Variants in GRM7 observed in about 807,000 individuals in gnomAD.
GRM7 encodes the protein metabotropic glutamate receptor 7.
In GRM7, 35 loss-of-function variants were observed where a neutral mutation model predicts 84.5. The observed-to-expected ratio is 0.41, with a 90% CI of 0.32 to 0.55. The LOEUF (loss-of-function observed/expected upper bound fraction) is 0.55, where lower values mean the gene tolerates loss of function less well. GRM7 is among the 20% of genes least tolerant of loss of function. The pLI is 0.19. For synonymous variants in GRM7, 487 were observed against 455.1 expected (o/e 1.07, Z -0.89); for missense variants, 1,003 against 1,194.6 (o/e 0.84, Z 2.36).
Position 7,578,481 on chromosome 3 carries a change from A to T in GRM7, c.1575A>T (p.Leu525=), listed in dbSNP as rs34373930. The T allele has an allele frequency of 2.5e-6, 4 of 1,613,542 alleles. No individual in the cohort carries two copies. The highest frequency in any genetic ancestry group is 2.5e-6 in the Non-Finnish European group (3 of 1,179,640). ...AGATACCCGCCTCAGTGTGCACACT[A>T]CCATGTAAGCCAGGACAGAGAAAGA... The part of the protein sequence containing the change: ...VREIPASVCT[L]PCKPGQRKKT... The change falls in exon 8 of 10, where the codon CTA becomes CTT. Residue 525 remains leucine (L), a synonymous_variant. Coordinates refer to ENST00000357716, the MANE Select transcript of GRM7 (RefSeq NM_000844.4).
intron 2 of GRM7, among the ~76,000 whole-genome samples, chr3:7,285,464 A>T (rs1205215765): frequency 2.0e-5 from 3 of 152,114 alleles, no homozygotes; most frequent in Non-Finnish European, 2.9e-5. Context: ...AATAGGGCCT[A>T]ATACGTAGTA....
chr3:7,578,444 A>C lies in GRM7; in HGVS notation c.1538A>C (p.Lys513Thr). ...CAGATAGAAGACATGCAGTGGGGTA[A>C]AGGAGTCCGAGAGATACCCGCCTCA... is the stretch of plus-strand genomic sequence containing the variant. ...QLNIEDMQWG[K>T]GVREIPASVC... The change falls in exon 8 of 10, where the codon AAA (lysine) becomes ACA (threonine). Residue 513 changes from lysine (K) to threonine (T), a missense_variant. Transcript: ENST00000357716. 1 of 1,611,776 alleles carries C rather than the reference A, an allele frequency of 6.2e-7. No individual in the cohort carries two copies. The highest frequency in any genetic ancestry group is 8.5e-7 in the Non-Finnish European group (1 of 1,178,220).
chr3:7,282,309 C>T (rs1032418174), intron 2 of GRM7, among the ~76,000 whole-genome samples: 3 of 152,100 alleles, frequency 2.0e-5, no homozygotes, highest in Non-Finnish European at 4.4e-5. Context: ...ATCAACATGT[C>T]GGTGGGGTTA....
intron 4 of GRM7, among the ~76,000 whole-genome samples, chr3:7,372,100 T>G (rs1694162898): frequency 6.6e-6 from 1 of 152,012 alleles, no homozygotes; most frequent in South Asian, 2.1e-4. Context: ...TGCTACATTC[T>G]AAGTTATGGA....
chr3:7,056,825 AT>A (rs1236622744), intron 1 of GRM7, among the ~76,000 whole-genome samples: 2 of 152,026 alleles, frequency 1.3e-5, no homozygotes, highest in African/African-American at 4.8e-5. Context: ...GTAGTATAAT[AT>A]TTAGTCACAT....
At chr3:7,474,123 CT>C (rs1376519953) in intron 7 of GRM7, among the ~76,000 whole-genome samples, 1 of 152,168 alleles carries the variant, frequency 6.6e-6, no homozygotes, top group Non-Finnish European at 1.5e-5. Flanking sequence ...TCAAATTTAT[CT>C]GTCTTTTGTA....
intron 7 of GRM7, among the ~76,000 whole-genome samples, chr3:7,497,530 A>G (rs1308488565): frequency 1.3e-5 from 2 of 152,118 alleles, no homozygotes; most frequent in Non-Finnish European, 2.9e-5. Flanking sequence ...TCTCAGATTT[A>G]TGTTTTCTTA....
At chr3:7,458,688 A>C (rs2124903044) in intron 6 of GRM7, among the ~76,000 whole-genome samples, 1 of 152,328 alleles carries the variant, frequency 6.6e-6, no homozygotes, top group African/African-American at 2.4e-5. Context: ...ATGAATATGT[A>C]GCTGGTGCAC....
chr3:7,665,218 C>T lies in GRM7; in HGVS notation c.2452-14831C>T, dbSNP rs562072353. ...ACGGAGTCTCACTCTGTGGCCCAGG[C>T]GGGAGTGCAGTGGCGCAATCTCGGC... On this transcript the variant is annotated intron_variant, in intron 8 of 9. Transcript: ENST00000357716. Among the ~76,000 whole-genome samples the T allele has an allele frequency of 3.5e-3, 483 of 138,808 alleles. 3 individuals carry two copies. Among genetic ancestry groups the T allele is most frequent in the African/African-American group, 0.013 (469 of 36,276 alleles). The allele number at this position is 138,808 out of a possible 152,430, so 91.1% of individuals were successfully genotyped here. A position where few individuals can be genotyped will look rare whatever the true frequency, so the allele number is the denominator to read the frequency against.
intron 7 of GRM7, among the ~76,000 whole-genome samples, chr3:7,495,347 T>G (rs1699663613): frequency 6.6e-6 from 1 of 151,986 alleles, no homozygotes; most frequent in Non-Finnish European, 1.5e-5. Flanking sequence ...AGGTAATGGA[T>G]GAAAGAAATA....
At chr3:7,059,653 A>C (rs1697361637) in intron 1 of GRM7, among the ~76,000 whole-genome samples, 1 of 151,664 alleles carries the variant, frequency 6.6e-6, no homozygotes, top group African/African-American at 2.4e-5. Flanking sequence ...CCTATATAGT[A>C]CCTAAAATAC....
intron 8 of GRM7, among the ~76,000 whole-genome samples, chr3:7,613,849 G>A (rs903594112): frequency 3.9e-5 from 6 of 152,116 alleles, no homozygotes; most frequent in South Asian, 4.1e-4. Flanking sequence ...GAAACTCTGC[G>A]AAAACATTTT....
At position 6,862,727 on chromosome 3, in the gene GRM7, C is replaced by T. The variant is rs7426721; in HGVS notation, c.519+820C>T. On this transcript the variant is annotated intron_variant, in intron 1 of 9. Coordinates refer to ENST00000357716, the MANE Select transcript of GRM7 (RefSeq NM_000844.4). This position sits in a 1 kb window ranked among gnomAD's most constrained non-coding sequence, Gnocchi z 5.2. Reference sequence around the variant, plus strand: ...TCTCCCTGCCTCCTCCCTCCTCCCCCCCGCCCCCCTCACCCACTATCTCCC... The same window carrying T: ...TCTCCCTGCCTCCTCCCTCCTCCCCTCCGCCCCCCTCACCCACTATCTCCC... The T allele has an allele frequency of 5.2e-3, 1,463 of 280,300 alleles. 52 individuals carry two copies. In the Admixed American group the frequency reaches 0.053, roughly 10 times the overall value. 17.4% of individuals were successfully genotyped at this position (280,300 alleles called of 1,614,324 possible).
intron 1 of GRM7, among the ~76,000 whole-genome samples, chr3:7,065,613 T>C (rs1179877390): frequency 6.6e-6 from 1 of 151,978 alleles, no homozygotes; most frequent in Non-Finnish European, 1.5e-5. Flanking sequence ...TAGTTTGAAA[T>C]CACGTAGTGT....
intron 8 of GRM7, among the ~76,000 whole-genome samples, chr3:7,616,361 C>G (rs539576403): frequency 4.5e-4 from 68 of 152,096 alleles, no homozygotes; most frequent in Non-Finnish European, 8.5e-4. Context: ...GCTTCCTACA[C>G]CTAACTTAGA....
chr3:7,229,985 GC>G (rs1697140514), intron 2 of GRM7, among the ~76,000 whole-genome samples: 1 of 149,698 alleles, frequency 6.7e-6, no homozygotes, highest in Non-Finnish European at 1.5e-5. Flanking sequence ...GACTACAGGC[GC>G]CCACCACCAC....
intron 1 of GRM7, among the ~76,000 whole-genome samples, chr3:7,081,690 C>T (rs950083965): frequency 3.3e-5 from 5 of 152,110 alleles, no homozygotes; most frequent in Non-Finnish European, 5.9e-5. Flanking sequence ...TTGTACTAAA[C>T]AGTCTAGTTA....
At chr3:7,720,885 A>G (rs1428447124) in intron 9 of GRM7, among the ~76,000 whole-genome samples, 1 of 152,296 alleles carries the variant, frequency 6.6e-6, no homozygotes, top group East Asian at 1.9e-4. Context: ...CATGATTCAG[A>G]AAAGGCGGGG....
At chr3:7,276,789 T>TC (rs1553641233) in intron 2 of GRM7, among the ~76,000 whole-genome samples, 1 of 3,528 alleles carries the variant, frequency 2.8e-4, no homozygotes, top group African/African-American at 9.2e-4. Context: ...CTTCCTTCCT[T>TC]CCTTCCTTCC....
Sources: allele counts gnomAD v4.1 joint callset (sites outside exome capture counted in the v4.1 genomes callset), GRCh38; gene constraint gnomAD v4.1.1; non-coding constraint Gnocchi (gnomAD v3.1); transcripts MANE v1.5; gene names NCBI Gene and HGNC (gene_info 2026-07-23, HGNC 2026-07-21).